Variants in ACO1 observed in about 807,000 individuals in gnomAD.
ACO1 encodes the protein aconitase 1, also known as cytoplasmic aconitate hydratase.
In ACO1, 78 loss-of-function variants were observed where a neutral mutation model predicts 105.1. The ratio of observed to expected loss-of-function variants is 0.74; its 90% confidence interval spans 0.62 to 0.90. The LOEUF (loss-of-function observed/expected upper bound fraction) is 0.90. Among genes scored for constraint, ACO1 ranks in the 40% least tolerant of loss-of-function variants. The probability of loss-of-function intolerance (pLI) is 0.00; values close to 1 mark genes in which losing one functional copy is unlikely to be tolerated. For missense variants in ACO1, 965 were observed against 1,111.1 expected (o/e 0.87, Z 1.87); for synonymous variants, 364 against 397.4 (o/e 0.92, Z 1.00).
intron 7 of ACO1, among the ~76,000 whole-genome samples, chr9:32,419,512 G>C (rs1563937688): frequency 6.6e-6 from 1 of 152,136 alleles, no homozygotes; most frequent in Non-Finnish European, 1.5e-5. Context: ...TTGCTTCAGA[G>C]CTCTCTGTGT....
At chr9:32,387,338 A>G (rs921969975) in intron 1 of ACO1, among the ~76,000 whole-genome samples, 1 of 152,330 alleles carries the variant, frequency 6.6e-6, no homozygotes, top group East Asian at 1.9e-4. Flanking sequence ...ATTTGTGCAT[A>G]TCTCTTCCTA....
intron 1 of ACO1, among the ~76,000 whole-genome samples, chr9:32,401,316 G>T (rs1821490575): frequency 1.3e-5 from 2 of 150,568 alleles, no homozygotes; most frequent in Admixed American, 1.3e-4. Flanking sequence ...AACTCTACCT[G>T]TGAAAGATTT....
intron 7 of ACO1, among the ~76,000 whole-genome samples, chr9:32,420,309 T>C (rs1389290089): frequency 1.3e-5 from 2 of 152,248 alleles, no homozygotes; most frequent in African/African-American, 2.4e-5. Flanking sequence ...TGCAAGTAGT[T>C]ATTTAGGTTG....
At chr9:32,416,644 C>T (rs1821857655) in intron 4 of ACO1, among the ~76,000 whole-genome samples, 1 of 152,164 alleles carries the variant, frequency 6.6e-6, no homozygotes, top group East Asian at 1.9e-4. Context: ...ACTCAGAGTG[C>T]CAGTGGGCAG....
chr9:32,400,617 A>G (rs1262585341), intron 1 of ACO1, among the ~76,000 whole-genome samples: 1 of 152,238 alleles, frequency 6.6e-6, no homozygotes, highest in African/African-American at 2.4e-5. Context: ...TTGTAGTTCC[A>G]GGAACTTTAC....
At chr9:32,404,315 T>C (rs111842979) in intron 1 of ACO1, among the ~76,000 whole-genome samples, 60 of 152,276 alleles carry the variant, frequency 3.9e-4, no homozygotes, top group African/African-American at 1.4e-3. Flanking sequence ...TTTTGCCTCT[T>C]CAGCTTTTAA....
chr9:32,442,085 ATT>A (rs901649578), intron 19 of ACO1, among the ~76,000 whole-genome samples: 3 of 146,988 alleles, frequency 2.0e-5, no homozygotes, highest in African/African-American at 7.5e-5. Flanking sequence ...CACTTATGGG[ATT>A]TTTTTTTTTT....
At chr9:32,415,301 T>C (rs186563447) in intron 4 of ACO1, among the ~76,000 whole-genome samples, 44 of 152,366 alleles carry the variant, frequency 2.9e-4, no homozygotes, top group Admixed American at 2.6e-3. Context: ...TTAGAAATGA[T>C]TGAGGTGACC....
rs561386458 is a variant in ACO1, at chr9:32,418,417, G to A, written c.564G>A (p.Val188=). The A allele has an allele frequency of 3.1e-6, 5 of 1,614,196 alleles. No homozygotes were observed. The Admixed American group carries it at 5.0e-5, about 16-fold the overall frequency. ...HQVNLEYLAR[V]VFDQDGYYYP... ...TGAATTTGGAATATTTGGCAAGAGTGGTATTTGATCAGGATGGATATTATT... is the reference window on the plus strand; with the variant it reads ...TGAATTTGGAATATTTGGCAAGAGTAGTATTTGATCAGGATGGATATTATT... Residue 188 remains valine (V), a synonymous_variant, in exon 6 of 21, where the codon GTG becomes GTA. Transcript: ENST00000309951.
rs570558848 is a variant in ACO1, at chr9:32,429,161, A to G, written c.1485-258A>G. On this transcript the variant is annotated intron_variant, in intron 12 of 20. Coordinates refer to ENST00000309951, the MANE Select transcript of ACO1 (RefSeq NM_002197.3). ...TAATAGTAGTTAATGAAGATATGGC[A>G]TATATGATTTCAACTTTTTTAAATT... 4.6e-5 allele frequency among the ~76,000 whole-genome samples: 7 copies of G among 152,360 alleles called. No individual in the cohort carries two copies. The South Asian group carries it at 1.2e-3, about 27-fold the overall frequency.
intron 19 of ACO1, among the ~76,000 whole-genome samples, chr9:32,442,168 G>A (rs867833790): frequency 5.9e-5 from 9 of 151,952 alleles, no homozygotes; most frequent in Admixed American, 4.6e-4. Flanking sequence ...GAAAGGCCTG[G>A]ACATTGGGAT....
chr9:32,421,999 T>C (rs1429783203), intron 8 of ACO1, among the ~76,000 whole-genome samples: 1 of 152,234 alleles, frequency 6.6e-6, no homozygotes, highest in Non-Finnish European at 1.5e-5. Context: ...TTTTATTAAA[T>C]ATAAACACAT....
At chr9:32,401,826 G>C (rs1016317792) in intron 1 of ACO1, among the ~76,000 whole-genome samples, 5 of 152,136 alleles carry the variant, frequency 3.3e-5, no homozygotes, top group Non-Finnish European at 7.3e-5. Flanking sequence ...TAAAAATCTG[G>C]TGTTCAGACT....
At position 32,427,430 on chromosome 9, in the gene ACO1, A is replaced by C; in HGVS notation, c.1478A>C (p.Gln493Pro). 1 of 1,614,144 alleles carries C rather than the reference A, an allele frequency of 6.2e-7. No homozygotes were observed. The highest frequency in any genetic ancestry group is 8.5e-7 in the Non-Finnish European group (1 of 1,180,018). ...AGCGGAGTCATGCCTTATCTGTCTC[A>C]GCTTGGGTGAGGGAGAGTTTTCTTT... ...QESGVMPYLS[Q>P]LGFDVVGYGC... The change falls in exon 12 of 21, where the codon CAG becomes CCG. Residue 493 changes from glutamine (Q) to proline (P), a missense_variant. Gln to Pro is a moderately conservative substitution (Grantham distance 76, BLOSUM62 -1). Coordinates refer to ENST00000309951, the MANE Select transcript of ACO1 (RefSeq NM_002197.3).
chr9:32,408,399 T>A, intron 3 of ACO1, 115 bp from the exon 4 acceptor site: 1 of 1,202,262 alleles, frequency 8.3e-7, no homozygotes, highest in South Asian at 1.5e-5. Flanking sequence ...CACCCATTGT[T>A]AGCTCCTCTG....
rs374155417 is a variant in ACO1, at chr9:32,439,350, C to G, written c.2248-1115C>G. ...AGCTGAAGACATACAGAATCCTATC[C>G]GGGTTTAGGTAATGCATGCGAAATT... is the stretch of plus-strand genomic sequence containing the variant. On this transcript the variant is annotated intron_variant, in intron 18 of 20. Transcript: ENST00000309951. This position sits in a 1 kb window ranked among gnomAD's most constrained non-coding sequence, Gnocchi z 4.0. Among the ~76,000 whole-genome samples the G allele has an allele frequency of 6.6e-6, 1 of 152,132 alleles. No individual in the cohort carries two copies.
chr9:32,412,933 T>C (rs189518256), intron 4 of ACO1, among the ~76,000 whole-genome samples: 1 of 152,280 alleles, frequency 6.6e-6, no homozygotes, highest in East Asian at 1.9e-4. Flanking sequence ...AATTGTAATA[T>C]AGTTTTCATG....
intron 12 of ACO1, among the ~76,000 whole-genome samples, chr9:32,428,445 C>A (rs543269573): frequency 6.6e-6 from 1 of 152,172 alleles, no homozygotes; most frequent in Middle Eastern, 3.4e-3. Flanking sequence ...ATAATGCCTC[C>A]TGGAATACTT....
At chr9:32,442,477 C>G (rs556203070) in intron 19 of ACO1, among the ~76,000 whole-genome samples, 1 of 152,234 alleles carries the variant, frequency 6.6e-6, no homozygotes, top group African/African-American at 2.4e-5. Context: ...ATGGGGAGTT[C>G]TAGTTAATGG....
Sources: allele counts gnomAD v4.1 joint callset (sites outside exome capture counted in the v4.1 genomes callset), GRCh38; gene constraint gnomAD v4.1.1; non-coding constraint Gnocchi (gnomAD v3.1); transcripts MANE v1.5; gene names NCBI Gene and HGNC (gene_info 2026-07-23, HGNC 2026-07-21).